RBMS3: variants seen among roughly 807,000 people sequenced by gnomAD.
The protein encoded by RBMS3 is RNA binding motif single stranded interacting protein 3.
In RBMS3, 27 loss-of-function variants were observed where a neutral mutation model predicts 66.8. The ratio of observed to expected loss-of-function variants is 0.40; its 90% CI spans 0.30 to 0.56. RBMS3 has a LOEUF of 0.56. Ranked by LOEUF, RBMS3 falls within the 20% of genes least tolerant of loss-of-function variation. RBMS3 has a pLI of 0.40. For synonymous variants in RBMS3, 188 were observed against 183.0 expected, an observed-to-expected ratio of 1.03 and a Z score of -0.22; for missense variants, 513 against 549.5, an observed-to-expected ratio of 0.93 and a Z score of 0.66.
chr3:29,292,919 C>A (rs182191615), intron 1 of RBMS3, among the ~76,000 whole-genome samples: 1 of 151,792 alleles, frequency 6.6e-6, no homozygotes, highest in South Asian at 2.1e-4. Context: ...GGGGAAAATA[C>A]GTCAATGTAA....
chr3:29,366,180 T>C (rs926433303), intron 1 of RBMS3, among the ~76,000 whole-genome samples: 6 of 152,168 alleles, frequency 3.9e-5, no homozygotes, highest in African/African-American at 1.2e-4. Context: ...TCATATAAAG[T>C]GCCTAAAATA....
intron 6 of RBMS3, among the ~76,000 whole-genome samples, chr3:29,865,850 C>G: frequency 6.6e-6 from 1 of 152,032 alleles, no homozygotes; most frequent in East Asian, 1.9e-4. Context: ...TTTTCTTCCT[C>G]AAGGATGATA....
intron 10 of RBMS3, 32 bp from the exon 11 acceptor site, chr3:29,936,054 T>C (rs1338944107): frequency 1.3e-6 from 2 of 1,538,214 alleles, no homozygotes; most frequent in Non-Finnish European, 9.0e-7. Flanking sequence ...TTGTAGGATA[T>C]ATTTTCAAAT....
At chr3:29,473,817 C>T (rs989074506) in intron 2 of RBMS3, among the ~76,000 whole-genome samples, 8 of 152,250 alleles carry the variant, frequency 5.3e-5, no homozygotes, top group Non-Finnish European at 1.0e-4. Flanking sequence ...ACCAAGCCCA[C>T]GCCCACCTGG....
chr3:29,439,150 A>G (rs949054462), intron 2 of RBMS3, among the ~76,000 whole-genome samples: 16 of 152,178 alleles, frequency 1.1e-4, no homozygotes, highest in Non-Finnish European at 1.9e-4. Flanking sequence ...AGAAAGAGGT[A>G]AAGTGTGGGG....
intron 1 of RBMS3, among the ~76,000 whole-genome samples, chr3:29,378,191 G>T (rs1284684472): frequency 2.0e-5 from 3 of 152,128 alleles, no homozygotes; most frequent in African/African-American, 7.2e-5. Context: ...GTCTATTTCA[G>T]GCCGGGCACG....
At chr3:29,396,450 A>G (rs2039555689) in intron 1 of RBMS3, among the ~76,000 whole-genome samples, 1 of 152,172 alleles carries the variant, frequency 6.6e-6, no homozygotes, top group Non-Finnish European at 1.5e-5. Flanking sequence ...TGGAGTACTA[A>G]TTCTAGATTA....
At chr3:29,559,203 T>C (rs559401433) in intron 3 of RBMS3, among the ~76,000 whole-genome samples, 32 of 152,134 alleles carry the variant, frequency 2.1e-4, no homozygotes, top group Admixed American at 1.8e-3. Context: ...TCTAAATAAT[T>C]GTGCATTAAT....
chr3:29,860,903 T>C (rs988739746), intron 6 of RBMS3, among the ~76,000 whole-genome samples: 1 of 152,200 alleles, frequency 6.6e-6, no homozygotes, highest in East Asian at 1.9e-4. Flanking sequence ...AGAGCCTCGC[T>C]CTGTTGCCCA....
At chr3:29,511,996 C>G (rs2044431623) in intron 3 of RBMS3, among the ~76,000 whole-genome samples, 1 of 152,028 alleles carries the variant, frequency 6.6e-6, no homozygotes, top group Non-Finnish European at 1.5e-5. Flanking sequence ...CAATTAAAAT[C>G]TTATGTTATG....
intron 3 of RBMS3, among the ~76,000 whole-genome samples, chr3:29,517,656 T>A (rs1390043632): frequency 6.6e-6 from 1 of 152,162 alleles, no homozygotes; most frequent in Non-Finnish European, 1.5e-5. Flanking sequence ...GAGACAGTTG[T>A]CTACTGCTAC....
chr3:29,746,730 C>A (rs2054912605), intron 5 of RBMS3, among the ~76,000 whole-genome samples: 1 of 152,066 alleles, frequency 6.6e-6, no homozygotes, highest in South Asian at 2.1e-4. Context: ...ACCAGTGAAC[C>A]AACCAAACAA....
chr3:29,884,422 TTCTCTCTCTCTCTCTC>T (rs571002730), intron 8 of RBMS3, among the ~76,000 whole-genome samples: 3 of 41,842 alleles, frequency 7.2e-5, no homozygotes, highest in African/African-American at 1.0e-4. Context: ...TTAAACCCTG[TTCTCTCTCTCTCTCTC>T]TCTCTCTCTC....
intron 1 of RBMS3, among the ~76,000 whole-genome samples, chr3:29,329,769 T>TAATG (rs2035542617): frequency 6.6e-6 from 1 of 150,394 alleles, no homozygotes; most frequent in Non-Finnish European, 1.5e-5. Flanking sequence ...TTTTTGTTCC[T>TAATG]GACATGGAAA....
rs766239639 is a variant in RBMS3 at position 29,912,664 on chromosome 3, A to C, written c.939+12909A>C. 2.0e-5 allele frequency among the ~76,000 whole-genome samples: 3 copies of C among 152,054 alleles called. No individual in the cohort carries two copies. The East Asian group carries it at 5.8e-4, about 29-fold the overall frequency. ...TTAACTCTCAATAAAAGCCAAGCAC[A>C]TGTTAACTTTCAATTTTCTGAAGAA... On this transcript the variant is annotated intron_variant, in intron 10 of 14. Transcript: ENST00000383767.
At chr3:29,798,163 T>C (rs971533828) in intron 6 of RBMS3, among the ~76,000 whole-genome samples, 23 of 150,006 alleles carry the variant, frequency 1.5e-4, no homozygotes, top group African/African-American at 5.7e-4. Flanking sequence ...ATATAGATCA[T>C]AGATTACCAT....
intron 4 of RBMS3, among the ~76,000 whole-genome samples, chr3:29,630,417 G>A (rs9814116): frequency 0.093 from 14,197 of 151,908 alleles, 1,183 homozygotes; most frequent in East Asian, 0.35. Context: ...CATCTGAGAG[G>A]AAGAATTGGG....
chr3:29,656,908 G>A (rs1359974148), intron 4 of RBMS3, among the ~76,000 whole-genome samples: 2 of 152,142 alleles, frequency 1.3e-5, no homozygotes, highest in African/African-American at 4.8e-5. Flanking sequence ...TAGCTAGTGG[G>A]TGACATTTCA....
At chr3:29,783,192 C>G (rs1269609809) in intron 6 of RBMS3, among the ~76,000 whole-genome samples, 2 of 152,046 alleles carry the variant, frequency 1.3e-5, no homozygotes, top group African/African-American at 4.8e-5. Context: ...GCAAGAAACT[C>G]AAAGAACACC....
Sources: allele counts gnomAD v4.1 joint callset (sites outside exome capture counted in the v4.1 genomes callset), GRCh38; gene constraint gnomAD v4.1.1; transcripts MANE v1.5; gene names NCBI Gene and HGNC (gene_info 2026-07-23, HGNC 2026-07-21).